MECOM: variants seen among roughly 807,000 people sequenced by gnomAD.
The protein encoded by MECOM is MDS1 and EVI1 complex locus, also known as histone-lysine N-methyltransferase MECOM.
A neutral mutation model predicts 116.3 loss-of-function variants in MECOM; 13 were observed. The observed-to-expected ratio is 0.11, with a 90% CI of 0.07 to 0.18. MECOM has a LOEUF of 0.18. MECOM is among the 10% of genes least tolerant of loss of function. The pLI, the probability that MECOM is intolerant of heterozygous loss-of-function variation, is 1.00. For missense variants in MECOM, 1,299 were observed against 1,509.0 expected (o/e 0.86, Z 2.31); for synonymous variants, 528 against 535.2 (o/e 0.99, Z 0.19).
intron 1 of MECOM, among the ~76,000 whole-genome samples, chr3:169,500,170 G>C (rs1754363093): frequency 6.6e-6 from 1 of 152,030 alleles, no homozygotes; most frequent in East Asian, 1.9e-4. Context: ...GATCATAAAA[G>C]TCTATCAATG....
At chr3:169,532,066 A>C (rs1257532237) in intron 1 of MECOM, among the ~76,000 whole-genome samples, 1 of 152,240 alleles carries the variant, frequency 6.6e-6, no homozygotes, top group African/African-American at 2.4e-5. Context: ...AACAATAAAC[A>C]TCACAAGCCT....
chr3:169,116,924 C>T (rs1270218438), intron 7 of MECOM, among the ~76,000 whole-genome samples, 185 bp from the exon 8 acceptor site: 1 of 152,092 alleles, frequency 6.6e-6, no homozygotes, highest in Non-Finnish European at 1.5e-5. Context: ...AGGCAACCAA[C>T]CTGACAAATG....
At chr3:169,573,421 T>C (rs1379131167) in intron 1 of MECOM, among the ~76,000 whole-genome samples, 1 of 152,230 alleles carries the variant, frequency 6.6e-6, no homozygotes, top group Non-Finnish European at 1.5e-5. Context: ...CATGATATTG[T>C]AGGCTCCCGT....
chr3:169,132,844 C>T (rs1206046796), intron 3 of MECOM, among the ~76,000 whole-genome samples: 1 of 151,538 alleles, frequency 6.6e-6, no homozygotes, highest in Non-Finnish European at 1.5e-5. Flanking sequence ...CCTCAACCTC[C>T]CTGGGCTCTG....
At chr3:169,600,637 A>G (rs1179261589) in intron 1 of MECOM, among the ~76,000 whole-genome samples, 1 of 152,220 alleles carries the variant, frequency 6.6e-6, no homozygotes, top group Non-Finnish European at 1.5e-5. Context: ...TGGTGTTTCC[A>G]TTATAAACCG....
At chr3:169,146,203 A>AT in intron 2 of MECOM, 1 of 953,896 alleles carries the variant, frequency 1.0e-6, no homozygotes, top group East Asian at 4.6e-5. Flanking sequence ...CAACAGCAAA[A>AT]GGAAAAAAAA....
intron 2 of MECOM, among the ~76,000 whole-genome samples, chr3:169,221,059 A>G (rs1201844925): frequency 6.6e-6 from 1 of 152,228 alleles, no homozygotes; most frequent in Non-Finnish European, 1.5e-5. Flanking sequence ...TTTAAAATCC[A>G]TCTATGCCTT....
chr3:169,607,892 G>C (rs1030947098), intron 1 of MECOM, among the ~76,000 whole-genome samples: 4 of 152,184 alleles, frequency 2.6e-5, no homozygotes, highest in African/African-American at 4.8e-5. Context: ...TCCTTCCCCT[G>C]AAATCAAGAG....
chr3:169,584,335 G>A (rs1245401166), intron 1 of MECOM, among the ~76,000 whole-genome samples: 5 of 151,940 alleles, frequency 3.3e-5, no homozygotes, highest in East Asian at 1.9e-4. Context: ...GGAGGCCGGG[G>A]CGGGCGGATC....
intron 1 of MECOM, among the ~76,000 whole-genome samples, chr3:169,607,187 A>G (rs755512332): frequency 2.6e-5 from 4 of 152,262 alleles, no homozygotes; most frequent in East Asian, 1.9e-4. Context: ...CAAGCGCCAC[A>G]GCAGGAAGTG....
chr3:169,605,530 T>C (rs1465375868), intron 1 of MECOM, among the ~76,000 whole-genome samples: 1 of 152,202 alleles, frequency 6.6e-6, no homozygotes, highest in Non-Finnish European at 1.5e-5. Flanking sequence ...CAGTGAAAAC[T>C]AGACAATGCT....
At chr3:169,289,688 T>C (rs191176305) in intron 2 of MECOM, among the ~76,000 whole-genome samples, 26 of 152,274 alleles carry the variant, frequency 1.7e-4, no homozygotes, top group African/African-American at 6.0e-4. Context: ...GATTACCACT[T>C]GGCTAAAAAA....
intron 2 of MECOM, among the ~76,000 whole-genome samples, chr3:169,203,725 AG>A (rs1749511393): frequency 6.6e-6 from 1 of 152,154 alleles, no homozygotes; most frequent in Non-Finnish European, 1.5e-5. Flanking sequence ...TATTTTTCTT[AG>A]GGAGAGATTA....
At position 169,319,678 on chromosome 3, in the gene MECOM, T is replaced by C. The variant is rs559910531; in HGVS notation, c.375+61509A>G. Among the ~76,000 whole-genome samples the C allele has an allele frequency of 5.3e-5, 8 of 152,344 alleles. No individual in the cohort carries two copies. In the South Asian group the frequency reaches 1.2e-3, roughly 24 times the overall value. On this transcript the variant is annotated intron_variant, in intron 2 of 16. Coordinates refer to ENST00000651503, the MANE Select transcript of MECOM (RefSeq NM_004991.4). ...AATGGAAAAATAACAGAGTTTATTT[T>C]GGAAATGAGAGTCTTAGCTCCATCA...
chr3:169,286,347 T>A (rs1713316052), intron 2 of MECOM, among the ~76,000 whole-genome samples: 1 of 152,178 alleles, frequency 6.6e-6, no homozygotes, highest in South Asian at 2.1e-4. Context: ...CCCAAGTTGT[T>A]GACCAAGCCC....
intron 2 of MECOM, among the ~76,000 whole-genome samples, chr3:169,248,525 A>G (rs1755868497): frequency 6.6e-6 from 1 of 152,170 alleles, no homozygotes; most frequent in Non-Finnish European, 1.5e-5. Context: ...TTGTCTGTCA[A>G]TTTGACATCT....
At position 169,213,715 on chromosome 3, in the gene MECOM, G is replaced by C. The variant is rs1434999424; in HGVS notation, c.376-69883C>G. Among the ~76,000 whole-genome samples the C allele has an allele frequency of 3.3e-5, 5 of 152,212 alleles. No individual in the cohort carries two copies. The South Asian group carries it at 1.0e-3, about 32-fold the overall frequency. ...TATGTTTTGGTACTCTTTAAAGACTGACCTGACTTTATGAATATTTTACCA... is the reference window on the plus strand; with the variant it reads ...TATGTTTTGGTACTCTTTAAAGACTCACCTGACTTTATGAATATTTTACCA... On this transcript the variant is annotated intron_variant, in intron 2 of 16. Coordinates refer to ENST00000651503, the MANE Select transcript of MECOM (RefSeq NM_004991.4).
intron 2 of MECOM, among the ~76,000 whole-genome samples, chr3:169,354,950 A>C (rs1470719916): frequency 1.3e-5 from 2 of 151,886 alleles, no homozygotes; most frequent in African/African-American, 4.8e-5. Context: ...AGCTGATTAG[A>C]GCAGCTCTGC....
chr3:169,512,653 A>T (rs1756120983), intron 1 of MECOM, among the ~76,000 whole-genome samples: 1 of 152,260 alleles, frequency 6.6e-6, no homozygotes, highest in Non-Finnish European at 1.5e-5. Flanking sequence ...GTAGGCACTT[A>T]TAATATCTGA....
Sources: allele counts gnomAD v4.1 joint callset (sites outside exome capture counted in the v4.1 genomes callset), GRCh38; gene constraint gnomAD v4.1.1; transcripts MANE v1.5; gene names NCBI Gene and HGNC (gene_info 2026-07-23, HGNC 2026-07-21).